Variants in SMAD4 observed in about 807,000 individuals in gnomAD.
The protein encoded by SMAD4 is SMAD family member 4.
Under a neutral mutation model 63.2 loss-of-function variants are expected in SMAD4, and 7 were observed. The ratio of observed to expected loss-of-function variants is 0.11; its 90% CI spans 0.06 to 0.21. The LOEUF (loss-of-function observed/expected upper bound fraction) is 0.21, where lower values mean the gene tolerates loss of function less well. Among genes scored for constraint, SMAD4 ranks in the 10% least tolerant of loss-of-function variants. The pLI is 1.00. For synonymous variants in SMAD4, 215 were observed against 235.4 expected, an observed-to-expected ratio of 0.91 and a Z score of 0.79; for missense variants, 312 against 693.8, an observed-to-expected ratio of 0.45 and a Z score of 6.18.
At position 51,058,203 on chromosome 18, in the gene SMAD4, A is replaced by G. The variant is rs371536364; in HGVS notation, c.746A>G (p.Gln249Arg). Residue 249 changes from glutamine to arginine, a missense_variant, in exon 6 of 12, where the codon CAG (glutamine) becomes CGG (arginine). By Grantham distance (43) the Gln-to-Arg change is conservative (BLOSUM62 1). Around this residue, in one of 4 missense-constraint regions of SMAD4, gnomAD observed 169 missense variants for 211.0 expected, o/e 0.80. Coordinates refer to ENST00000342988, the MANE Select transcript of SMAD4 (RefSeq NM_005359.6). ...QIASGPQPGQ[Q>R]QNGFTGQPAT... ...GCATCAGGGCCTCAGCCAGGACAGC[A>G]GCAGAATGGATTTACTGGTCAGCCA... 3 of 1,614,116 alleles carry G rather than the reference A, an allele frequency of 1.9e-6. No homozygotes were observed. In the Admixed American group the frequency reaches 5.0e-5, roughly 27 times the overall value.
intron 1 of SMAD4, among the ~76,000 whole-genome samples, chr18:51,044,416 G>A (rs539561051): frequency 6.6e-6 from 1 of 152,234 alleles, no homozygotes; most frequent in East Asian, 1.9e-4. Context: ...TTTTGAGATA[G>A]GGTCTCACTG....
Position 51,080,566 on chromosome 18 carries a change from G to A in SMAD4, c.*2099G>A, listed in dbSNP as rs1037211183. The stretch of plus-strand genomic sequence containing the variant: ...CATTGCTTCTTTTTTTTGAGATATG[G>A]AGTCTTGCTGTGTTGCCCAGGCAGG... On this transcript the variant is annotated 3_prime_UTR_variant, in exon 12 of 12. Transcript: ENST00000342988. 1 of 191,512 alleles carries A rather than the reference G, an allele frequency of 5.2e-6. No individual in the cohort carries two copies. Among genetic ancestry groups the A allele is most frequent in the Non-Finnish European group, 1.1e-5 (1 of 91,534 alleles). 11.9% of individuals were successfully genotyped at this position (191,512 alleles called of 1,614,324 possible).
chr18:51,074,176 A>G (rs557367291), intron 10 of SMAD4, among the ~76,000 whole-genome samples: 9 of 151,542 alleles, frequency 5.9e-5, no homozygotes, highest in South Asian at 2.1e-4. Context: ...GAGTAGTTCA[A>G]GATCAGCCTG....
At chr18:51,045,002 T>C (rs3764465) in intron 1 of SMAD4, 53,406 of 152,054 alleles carry the variant, frequency 0.35, 9,631 homozygotes, top group East Asian at 0.41. Flanking sequence ...GAGACAGACA[T>C]TTATGTGAAA....
intron 4 of SMAD4, among the ~76,000 whole-genome samples, chr18:51,050,813 G>A (rs1909688237): frequency 6.6e-6 from 1 of 151,984 alleles, no homozygotes; most frequent in Non-Finnish European, 1.5e-5. Flanking sequence ...GGAAGAGTAT[G>A]CAATTCTACT....
In SMAD4 at chr18:51,079,160, A is replaced by T; in HGVS notation, c.*693A>T. The stretch of plus-strand genomic sequence containing the variant: ...TAAAATTACCAGACAAAAAAATTTA[A>T]AATTACGTTTGTTATTCCTAGTGGA... On this transcript the variant is annotated 3_prime_UTR_variant, in exon 12 of 12. Transcript: ENST00000342988. The T allele has an allele frequency of 4.3e-6, 1 of 232,964 alleles. No homozygotes were observed. Among genetic ancestry groups the T allele is most frequent in the Non-Finnish European group, 8.5e-6 (1 of 117,880 alleles). The allele number at this position is 232,964 out of a possible 1,614,324, so 14.4% of individuals were successfully genotyped here.
chr18:51,054,045 A>C (rs1449850174), intron 4 of SMAD4: 2 of 152,392 alleles, frequency 1.3e-5, no homozygotes, highest in East Asian at 3.9e-4. Context: ...TGGTTAATGG[A>C]AAGATGTTAT....
chr18:51,056,573 G>C (rs1451856634), intron 5 of SMAD4, among the ~76,000 whole-genome samples: 1 of 140,378 alleles, frequency 7.1e-6, no homozygotes, highest in East Asian at 2.1e-4. Flanking sequence ...TGAGCAGAGA[G>C]CGAGTCACTG....
rs944658965 is a variant in SMAD4, at chr18:51,082,329, A to G, written c.*3862A>G. On this transcript the variant is annotated 3_prime_UTR_variant, in exon 12 of 12. Transcript: ENST00000342988. ...GAATAGGCTATGACAATCTTGTTCA[A>G]GCCTTTCCATTTTTTTCCCTGATAA... 15 of 227,936 alleles carry G rather than the reference A, an allele frequency of 6.6e-5. No homozygotes were observed. The highest frequency in any genetic ancestry group is 1.0e-4 in the Non-Finnish European group (12 of 114,858). 14.1% of individuals were successfully genotyped at this position (227,936 alleles called of 1,614,324 possible). A position where few individuals can be genotyped will look rare whatever the true frequency, so the allele number is the denominator to read the frequency against.
In SMAD4 at chr18:51,082,160, C is replaced by A; in HGVS notation, c.*3693C>A. On this transcript the variant is annotated 3_prime_UTR_variant, in exon 12 of 12. Transcript: ENST00000342988. ...TAAATGAGTATATGAAAGCAATTACCTCTAAAGCCAGTTAACAATTATTTT... is the reference window on the plus strand; with the variant it reads ...TAAATGAGTATATGAAAGCAATTACATCTAAAGCCAGTTAACAATTATTTT... The A allele has an allele frequency of 4.3e-6, 1 of 229,976 alleles. No homozygotes were observed. The highest frequency in any genetic ancestry group is 5.7e-5 in the Admixed American group (1 of 17,670). The allele number at this position is 229,976 out of a possible 1,614,324, so 14.2% of individuals were successfully genotyped here.
intron 8 of SMAD4, among the ~76,000 whole-genome samples, chr18:51,064,610 T>C (rs764040815): frequency 3.3e-5 from 5 of 152,244 alleles, no homozygotes; most frequent in Non-Finnish European, 5.9e-5. Context: ...AAATAAAAAT[T>C]AGAAATACTT....
rs540942903 is a variant in SMAD4 at position 51,046,811 on chromosome 18, G to C, written c.-127-109G>C. 7 of 437,014 alleles carry C rather than the reference G, an allele frequency of 1.6e-5. No individual in the cohort carries two copies. In the East Asian group the frequency reaches 2.3e-4, roughly 14 times the overall value. The allele number at this position is 437,014 out of a possible 1,614,324, so 27.1% of individuals were successfully genotyped here. A position where few individuals can be genotyped will look rare whatever the true frequency, so the allele number is the denominator to read the frequency against. On this transcript the variant is annotated intron_variant, in intron 1 of 11. Coordinates refer to ENST00000342988, the MANE Select transcript of SMAD4 (RefSeq NM_005359.6). ...ACTCTGAGCATCAAATTTTAATTAT[G>C]TGCATTGAATCTCTGACTTAACCAG...
chr18:51,037,293 C>T (rs1454929202), intron 1 of SMAD4, among the ~76,000 whole-genome samples: 1 of 152,228 alleles, frequency 6.6e-6, no homozygotes, highest in Non-Finnish European at 1.5e-5. Context: ...GGTCCACAGA[C>T]TCCTGGAGAT....
intron 8 of SMAD4, among the ~76,000 whole-genome samples, chr18:51,063,187 T>C (rs1451285914): frequency 1.3e-5 from 2 of 152,014 alleles, no homozygotes. Flanking sequence ...TAAATACTTG[T>C]TTAAAACAAT....
Position 51,081,040 on chromosome 18 carries a change from T to G in SMAD4, c.*2573T>G. ...GTACCTAGATTTAGTCACACGCTTT[T>G]GAGAAAACATCTAGTATGTTATGAT... On this transcript the variant is annotated 3_prime_UTR_variant, in exon 12 of 12. Coordinates refer to ENST00000342988, the MANE Select transcript of SMAD4 (RefSeq NM_005359.6). The G allele has an allele frequency of 4.7e-6, 1 of 211,290 alleles. No homozygotes were observed. Among genetic ancestry groups the G allele is most frequent in the Non-Finnish European group, 9.6e-6 (1 of 104,186 alleles). The allele number at this position is 211,290 out of a possible 1,614,324, so 13.1% of individuals were successfully genotyped here.
rs1289334973 is a variant in SMAD4, at chr18:51,067,308, TTAAG to T, written c.1308+124_1308+127del. On this transcript the variant is annotated intron_variant, in intron 10 of 11. Coordinates refer to ENST00000342988, the MANE Select transcript of SMAD4 (RefSeq NM_005359.6). ...TATATTAAATAATAAGAAATTGTGT[TTAAG>T]TATAAAAAACACATTTTCTGAGGGC... 4 of 547,640 alleles carry T rather than the reference TTAAG, an allele frequency of 7.3e-6. No homozygotes were observed. In the Admixed American group the frequency reaches 1.3e-4, roughly 18 times the overall value. 33.9% of individuals were successfully genotyped at this position (547,640 alleles called of 1,614,324 possible).
In SMAD4 at chr18:51,042,033, T is replaced by A. The variant is rs369241089; in HGVS notation, c.-127-4887T>A. Among the ~76,000 whole-genome samples the A allele has an allele frequency of 1.1e-4, 16 of 152,290 alleles. No individual in the cohort carries two copies. In the East Asian group the frequency reaches 2.3e-3, roughly 22 times the overall value. On this transcript the variant is annotated intron_variant, in intron 1 of 11. Transcript: ENST00000342988. ...TGTTTGGGTCTTCCAGATTAGTAGT[T>A]CTCAGTGGAGTAAGTACTGCTCTTT...
chr18:51,069,705 G>C (rs1274067458), intron 10 of SMAD4, among the ~76,000 whole-genome samples: 5 of 152,166 alleles, frequency 3.3e-5, no homozygotes, highest in African/African-American at 1.2e-4. Flanking sequence ...AGATTTCTCT[G>C]AAACTTTTCC....
In SMAD4 at chr18:51,079,148, CAA is replaced by C. The variant is rs980769521; in HGVS notation, c.*687_*688del. 28 of 232,826 alleles carry C rather than the reference CAA, an allele frequency of 1.2e-4. No homozygotes were observed. The highest frequency in any genetic ancestry group is 5.7e-4 in the African/African-American group (26 of 45,428). 14.4% of individuals were successfully genotyped at this position (232,826 alleles called of 1,614,324 possible). A position where few individuals can be genotyped will look rare whatever the true frequency, so the allele number is the denominator to read the frequency against. ...TTGAGAATCCCTTAAAATTACCAGA[CAA>C]AAAAATTTAAAATTACGTTTGTTAT... On this transcript the variant is annotated 3_prime_UTR_variant, in exon 12 of 12. Coordinates refer to ENST00000342988, the MANE Select transcript of SMAD4 (RefSeq NM_005359.6).
Sources: gnomAD v4.1 joint callset for allele counts (sites outside exome capture counted in the v4.1 genomes callset) on GRCh38, gnomAD v4.1.1 for gene constraint, gnomAD v4.1.1 regional missense constraint, MANE v1.5 for transcripts, NCBI Gene and HGNC (gene_info 2026-07-23, HGNC 2026-07-21) for gene names.